CTNNA3: variants seen among roughly 807,000 people sequenced by gnomAD.
CTNNA3 encodes the protein catenin alpha-3.
Under a neutral mutation model 95.7 loss-of-function variants are expected in CTNNA3, and 76 were observed. That is an observed-to-expected ratio of 0.79 (90% CI 0.66 to 0.96). CTNNA3 has a LOEUF of 0.96. CTNNA3 is among the 40% of genes least tolerant of loss of function. CTNNA3 has a pLI of 0.00. For missense variants in CTNNA3, 1,191 were observed against 1,089.8 expected, an observed-to-expected ratio of 1.09 and a Z score of -1.31; for synonymous variants, 431 against 374.4, an observed-to-expected ratio of 1.15 and a Z score of -1.74.
intron 7 of CTNNA3, among the ~76,000 whole-genome samples, chr10:67,154,878 C>A (rs1861232872): frequency 6.6e-6 from 1 of 152,134 alleles, no homozygotes; most frequent in African/African-American, 2.4e-5. Context: ...AGGAGGATGT[C>A]TGCATAAACT....
intron 16 of CTNNA3, among the ~76,000 whole-genome samples, chr10:65,979,711 A>G (rs2078280900): frequency 6.6e-6 from 1 of 152,058 alleles, no homozygotes; most frequent in Non-Finnish European, 1.5e-5. Flanking sequence ...TCACCCTAGG[A>G]GCATTTAAAA....
intron 12 of CTNNA3, among the ~76,000 whole-genome samples, chr10:66,349,759 G>A (rs1368471005): frequency 6.6e-6 from 1 of 152,028 alleles, no homozygotes; most frequent in African/African-American, 2.4e-5. Flanking sequence ...CAAGAATAAT[G>A]TTGAAATAAG....
At chr10:66,236,161 G>C (rs2089844437) in intron 13 of CTNNA3, among the ~76,000 whole-genome samples, 1 of 152,108 alleles carries the variant, frequency 6.6e-6, no homozygotes, top group African/African-American at 2.4e-5. Flanking sequence ...GGAACAAACG[G>C]AGACAATGAG....
chr10:66,384,057 G>A (rs747625267), intron 11 of CTNNA3, among the ~76,000 whole-genome samples: 27 of 152,164 alleles, frequency 1.8e-4, no homozygotes, highest in South Asian at 1.2e-3. Flanking sequence ...AAAATAGCCA[G>A]CGAACATCAT....
At chr10:66,644,286 CTGTCTG>C (rs1158421252) in intron 9 of CTNNA3, among the ~76,000 whole-genome samples, 18,363 of 108,854 alleles carry the variant, frequency 0.17, 1,254 homozygotes, top group Middle Eastern at 0.28. Context: ...GTCTGTCTGT[CTGTCTG>C]TCTCTCTCTC....
At chr10:66,355,452 C>T (rs915166486) in intron 12 of CTNNA3, among the ~76,000 whole-genome samples, 7 of 151,990 alleles carry the variant, frequency 4.6e-5, no homozygotes, top group African/African-American at 1.2e-4. Context: ...CCACGAATGA[C>T]GCTTCCCTCT....
chr10:66,622,780 G>C (rs1004515598), intron 9 of CTNNA3, among the ~76,000 whole-genome samples: 9 of 152,104 alleles, frequency 5.9e-5, no homozygotes, highest in Non-Finnish European at 1.2e-4. Context: ...CTACGCATTA[G>C]CCACATGCAG....
At chr10:65,994,137 C>T (rs2078599265) in intron 15 of CTNNA3, among the ~76,000 whole-genome samples, 1 of 152,076 alleles carries the variant, frequency 6.6e-6, no homozygotes, top group Non-Finnish European at 1.5e-5. Flanking sequence ...TTTGTGTATA[C>T]TTCGTTCCTT....
chr10:66,277,730 A>G (rs186259504), intron 13 of CTNNA3, among the ~76,000 whole-genome samples: 8 of 152,236 alleles, frequency 5.3e-5, no homozygotes, highest in African/African-American at 1.9e-4. Context: ...GATAGAGACG[A>G]TGACCCTCTG....
intron 7 of CTNNA3, among the ~76,000 whole-genome samples, chr10:67,044,796 T>A (rs576031248): frequency 6.6e-6 from 1 of 152,222 alleles, no homozygotes; most frequent in Non-Finnish European, 1.5e-5. Context: ...GGAAAGATCA[T>A]GGTCTTTGGA....
intron 11 of CTNNA3, among the ~76,000 whole-genome samples, chr10:66,466,033 A>C (rs1213909634): frequency 1.3e-5 from 2 of 152,018 alleles, no homozygotes; most frequent in Non-Finnish European, 2.9e-5. Flanking sequence ...TTTTAAATTG[A>C]GGTTAGTTTT....
intron 15 of CTNNA3, among the ~76,000 whole-genome samples, chr10:66,057,599 CT>C (rs988321919): frequency 1.3e-5 from 2 of 152,026 alleles, no homozygotes; most frequent in African/African-American, 4.8e-5. Context: ...TAAATAGTTT[CT>C]AGTGATTCAA....
intron 1 of CTNNA3, among the ~76,000 whole-genome samples, chr10:67,656,177 C>T (rs1056807578): frequency 6.6e-6 from 1 of 152,170 alleles, no homozygotes; most frequent in Middle Eastern, 3.2e-3. Context: ...GAAATACATA[C>T]ACCTTCTACT....
At chr10:66,025,494 G>A (rs931921404) in intron 15 of CTNNA3, among the ~76,000 whole-genome samples, 1 of 152,002 alleles carries the variant, frequency 6.6e-6, no homozygotes, top group African/African-American at 2.4e-5. Context: ...ATATTGCCTA[G>A]CCCTGAATAC....
intron 7 of CTNNA3, among the ~76,000 whole-genome samples, chr10:67,040,732 T>C (rs1308599307): frequency 6.6e-6 from 1 of 152,050 alleles, no homozygotes; most frequent in Non-Finnish European, 1.5e-5. Context: ...TTAACCAAGA[T>C]GTCAGGAAAA....
chr10:66,378,434 C>G (rs900163679), intron 12 of CTNNA3, among the ~76,000 whole-genome samples: 2 of 152,142 alleles, frequency 1.3e-5, no homozygotes, highest in African/African-American at 2.4e-5. Flanking sequence ...AGGGTTTTCC[C>G]AGGAAGGAGT....
At chr10:67,630,039 A>G (rs1349431843) in intron 2 of CTNNA3, among the ~76,000 whole-genome samples, 1 of 152,206 alleles carries the variant, frequency 6.6e-6, no homozygotes, top group Non-Finnish European at 1.5e-5. Flanking sequence ...CTCTCATGGC[A>G]GAGCACGTCA....
At chr10:67,004,132 T>C (rs72804676) in intron 7 of CTNNA3, among the ~76,000 whole-genome samples, 7,470 of 151,820 alleles carry the variant, frequency 0.049, 270 homozygotes, top group Middle Eastern at 0.082. Context: ...TGTGGAGCCA[T>C]GGCTGTGTAT....
chr10:65,997,618 C>T (rs1003018253), intron 15 of CTNNA3, among the ~76,000 whole-genome samples: 14 of 152,184 alleles, frequency 9.2e-5, no homozygotes, highest in East Asian at 1.9e-4. Context: ...CAGAGAGTAC[C>T]GGAAAGTCAA....
Sources: gnomAD v4.1 joint callset for allele counts (sites outside exome capture counted in the v4.1 genomes callset) on GRCh38, gnomAD v4.1.1 for gene constraint, MANE v1.5 for transcripts, NCBI Gene and HGNC (gene_info 2026-07-23, HGNC 2026-07-21) for gene names.